The following AKAP8L variants were observed in gnomAD, a reference collection of about 807,000 sequenced individuals.
AKAP8L encodes the protein A-kinase anchoring protein 8 like.
Under a neutral mutation model 77.5 loss-of-function variants are expected in AKAP8L, and 34 were observed. That is an observed-to-expected ratio of 0.44 (90% CI 0.33 to 0.58). The LOEUF is 0.58. Among genes scored for constraint, AKAP8L ranks in the 20% least tolerant of loss-of-function variants. The pLI, the probability that AKAP8L is intolerant of heterozygous loss-of-function variation, is 0.02. For missense variants in AKAP8L, 806 were observed against 887.6 expected (o/e 0.91, Z 1.17); for synonymous variants, 342 against 340.7 (o/e 1.00, Z -0.04).
At chr19:15,383,919 GTCTATT>G (rs1967470064) in intron 12 of AKAP8L, 1 of 141,840 alleles carries the variant, frequency 7.1e-6, no homozygotes, top group Non-Finnish European at 1.5e-5. Flanking sequence ...ATTCATTAAG[GTCTATT>G]TCTTTTTTTT....
At position 15,409,901 on chromosome 19, in the gene AKAP8L, G is replaced by A. The variant is rs114556182; in HGVS notation, c.88+619C>T. Among the ~76,000 whole-genome samples, 552 of 152,136 alleles carry A rather than the reference G, an allele frequency of 3.6e-3. 5 individuals carry two copies. The highest frequency in any genetic ancestry group is 0.013 in the African/African-American group (528 of 41,512). ...CTCCCACAGCAAGGACATGCACTAT[G>A]CTGGGACTAAGTTAATAGCTTGCTT... On this transcript the variant is annotated intron_variant, in intron 2 of 13. Transcript: ENST00000397410.
chr19:15,385,318 A>G (rs1295350604), intron 12 of AKAP8L, among the ~76,000 whole-genome samples: 1 of 150,932 alleles, frequency 6.6e-6, no homozygotes, highest in Non-Finnish European at 1.5e-5. Context: ...AGTAGCTGGG[A>G]CTACAGGCGC....
intron 6 of AKAP8L, 29 bp from the exon 7 acceptor site, chr19:15,400,893 C>G (rs758324800): frequency 2.5e-6 from 4 of 1,613,800 alleles, no homozygotes; most frequent in Non-Finnish European, 3.4e-6. Context: ...TAAGCTCAAC[C>G]CAGGAGTTCC....
In AKAP8L at chr19:15,397,007, C is replaced by G. The variant is rs916946558; in HGVS notation, c.1536+143G>C. 2 of 1,182,886 alleles carry G rather than the reference C, an allele frequency of 1.7e-6. No homozygotes were observed. Among genetic ancestry groups the G allele is most frequent in the African/African-American group, 1.5e-5 (1 of 66,044 alleles). 73.3% of individuals were successfully genotyped at this position (1,182,886 alleles called of 1,614,324 possible). ...TCTCTCTGTAGCTGTGCTGCCTGCA[C>G]TGAGCTGGAAATGTCCATATCCACC... On this transcript the variant is annotated intron_variant, in intron 12 of 13. Coordinates refer to ENST00000397410, the MANE Select transcript of AKAP8L (RefSeq NM_014371.4). This position sits in a 1 kb window ranked among gnomAD's most constrained non-coding sequence, Gnocchi z 4.7.
intron 12 of AKAP8L, among the ~76,000 whole-genome samples, chr19:15,395,503 C>G (rs1354978263): frequency 2.0e-5 from 3 of 150,338 alleles, no homozygotes; most frequent in South Asian, 2.1e-4. Context: ...TTAGTACAGA[C>G]AGCGTTTCAC....
At chr19:15,384,458 C>T (rs1967486736) in intron 12 of AKAP8L, among the ~76,000 whole-genome samples, 1 of 151,790 alleles carries the variant, frequency 6.6e-6, no homozygotes, top group African/African-American at 2.4e-5. Context: ...CACCACCACG[C>T]CCAGCTAATT....
At position 15,406,362 on chromosome 19, in the gene AKAP8L, G is replaced by GGGGAGAGAGAGA. The variant is rs1555700853; in HGVS notation, c.89-2321_89-2320insTCTCTCTCTCCC. Among the ~76,000 whole-genome samples, 20 of 89,382 alleles carry GGGGAGAGAGAGA rather than the reference G, an allele frequency of 2.2e-4. 1 individual carries two copies. Among genetic ancestry groups the GGGGAGAGAGAGA allele is most frequent in the African/African-American group, 1.0e-3 (20 of 19,542 alleles). The allele number at this position is 89,382 out of a possible 152,430, so 58.6% of individuals were successfully genotyped here. On this transcript the variant is annotated intron_variant, in intron 2 of 13. Coordinates refer to ENST00000397410, the MANE Select transcript of AKAP8L (RefSeq NM_014371.4). The stretch of plus-strand genomic sequence containing the variant: ...TCATGGTTGACAAAAGAAATTTTAA[G>GGGGAGAGAGAGA]GAGAGAGAGAGAGAGAGAGAGAGAG...
chr19:15,395,187 G>A (rs374306633), intron 12 of AKAP8L, among the ~76,000 whole-genome samples: 9 of 151,744 alleles, frequency 5.9e-5, no homozygotes, highest in South Asian at 2.1e-4. Context: ...CTGCCACCAC[G>A]CCTGGCTAAT....
chr19:15,416,705 T>A (rs1968214021), intron 1 of AKAP8L, among the ~76,000 whole-genome samples: 1 of 152,202 alleles, frequency 6.6e-6, no homozygotes, highest in South Asian at 2.1e-4. Context: ...ATTTCAGACC[T>A]TTGTTTGAGG....
intron 12 of AKAP8L, among the ~76,000 whole-genome samples, chr19:15,396,212 G>A (rs1178543920): frequency 6.6e-6 from 1 of 151,962 alleles, no homozygotes; most frequent in Non-Finnish European, 1.5e-5. Flanking sequence ...GAGAAATGCT[G>A]CTTCCCATGC....
chr19:15,400,629 C>A (rs1967873143), intron 7 of AKAP8L, 165 bp downstream of exon 7: 1 of 893,544 alleles, frequency 1.1e-6, no homozygotes, highest in Admixed American at 2.3e-5. Context: ...ACTGTGCCTC[C>A]AGCTAGGCAG....
intron 12 of AKAP8L, chr19:15,381,779 A>G (rs570422019): frequency 6.6e-6 from 1 of 152,352 alleles, no homozygotes; most frequent in South Asian, 2.1e-4. Flanking sequence ...CTGGTTCTAG[A>G]TGCCCAGATA....
chr19:15,384,938 T>C (rs1967498153), intron 12 of AKAP8L, among the ~76,000 whole-genome samples: 1 of 152,028 alleles, frequency 6.6e-6, no homozygotes, highest in African/African-American at 2.4e-5. Context: ...TGGCGCGATA[T>C]CAGCTCACTG....
chr19:15,407,880 T>A (rs1250250400), intron 2 of AKAP8L, among the ~76,000 whole-genome samples: 2 of 152,262 alleles, frequency 1.3e-5, no homozygotes, highest in Non-Finnish European at 2.9e-5. Context: ...ATGAATTTTT[T>A]AAAAAACTTC....
rs1967380281 is a variant in AKAP8L, at chr19:15,380,408, C to G, written c.1655G>C (p.Ser552Thr). 3 of 1,597,740 alleles carry G rather than the reference C, an allele frequency of 1.9e-6. No individual in the cohort carries two copies. Among genetic ancestry groups the G allele is most frequent in the African/African-American group, 2.7e-5 (2 of 74,706 alleles). ...YLKGENPFTD[S>T]PEEEKEQEEA... The stretch of plus-strand genomic sequence containing the variant: ...CTCCTGCTCCTTCTCCTCCTCGGGG[C>G]TGTCGGTGAAAGGGTTCTCGCCCTG... Residue 552 changes from serine (S) to threonine (T), a missense_variant, in exon 14 of 14, where the codon AGC (serine) becomes ACC (threonine). Physicochemically the swap from Ser to Thr is moderately conservative, Grantham distance 58 (BLOSUM62 1). Coordinates refer to ENST00000397410, the MANE Select transcript of AKAP8L (RefSeq NM_014371.4).
chr19:15,410,687 G>A, intron 1 of AKAP8L, 93 bp from the exon 2 acceptor site: 2 of 1,000,128 alleles, frequency 2.0e-6, no homozygotes, highest in South Asian at 1.5e-5. Flanking sequence ...TTGCCAGCAG[G>A]CCCTTCTCTC....
intron 12 of AKAP8L, among the ~76,000 whole-genome samples, chr19:15,395,499 C>T (rs980735232): frequency 1.3e-5 from 2 of 150,348 alleles, no homozygotes; most frequent in East Asian, 2.0e-4. Flanking sequence ...ATTTTTAGTA[C>T]AGACAGCGTT....
intron 1 of AKAP8L, among the ~76,000 whole-genome samples, chr19:15,412,785 G>A (rs1053308262): frequency 2.0e-5 from 3 of 152,120 alleles, no homozygotes; most frequent in African/African-American, 7.2e-5. Flanking sequence ...CTTGTGATCC[G>A]CCCGCCTTGG....
Position 15,380,412 on chromosome 19 carries a change from C to G in AKAP8L, c.1651G>C (p.Asp551His), listed in dbSNP as rs770530550. ...TGCTCCTTCTCCTCCTCGGGGCTGT[C>G]GGTGAAAGGGTTCTCGCCCTGTGGG... Reference protein sequence around the residue: ...RYLKGENPFTDSPEEEKEQEE... With the variant: ...RYLKGENPFTHSPEEEKEQEE... Residue 551 changes from aspartate to histidine, a missense_variant, in exon 14 of 14, where the codon GAC becomes CAC. By Grantham distance (81) the Asp-to-His change is moderately conservative. Transcript: ENST00000397410. The G allele has an allele frequency of 6.3e-7, 1 of 1,599,552 alleles. No individual in the cohort carries two copies. Among genetic ancestry groups the G allele is most frequent in the Admixed American group, 1.7e-5 (1 of 57,974 alleles).
Sources: gnomAD v4.1 joint callset for allele counts (sites outside exome capture counted in the v4.1 genomes callset) on GRCh38, gnomAD v4.1.1 for gene constraint, Gnocchi (gnomAD v3.1) non-coding constraint, MANE v1.5 for transcripts, NCBI Gene and HGNC (gene_info 2026-07-23, HGNC 2026-07-21) for gene names.